The following SWT1 variants were observed in gnomAD, a reference collection of about 807,000 sequenced individuals.
The protein encoded by SWT1 is SWT1 RNA endoribonuclease homolog, also known as transcriptional protein SWT1.
A neutral mutation model predicts 107.3 loss-of-function variants in SWT1; 33 were observed. The observed-to-expected ratio is 0.31, with a 90% CI of 0.23 to 0.41. SWT1 has a LOEUF of 0.41. Ranked by LOEUF, SWT1 falls within the 10% of genes least tolerant of loss-of-function variation. SWT1 has a pLI of 1.00. For synonymous variants in SWT1, 345 were observed against 348.3 expected (o/e 0.99, Z 0.11); for missense variants, 898 against 1,028.9 (o/e 0.87, Z 1.74).
At chr1:185,279,312 G>GTTT (rs1454359320) in intron 18 of SWT1, among the ~76,000 whole-genome samples, 2 of 152,096 alleles carry the variant, frequency 1.3e-5, no homozygotes, top group Admixed American at 6.5e-5. Flanking sequence ...GTCTAGAATT[G>GTTT]TTTTGATTTT....
At chr1:185,213,617 A>G (rs1356789095) in intron 13 of SWT1, among the ~76,000 whole-genome samples, 1 of 152,200 alleles carries the variant, frequency 6.6e-6, no homozygotes, top group Middle Eastern at 3.2e-3. Context: ...ATTTCAGAAT[A>G]CAATAGAGTC....
At chr1:185,168,832 A>G (rs1193327891) in intron 4 of SWT1, among the ~76,000 whole-genome samples, 1 of 152,232 alleles carries the variant, frequency 6.6e-6, no homozygotes, top group Non-Finnish European at 1.5e-5. Context: ...GATTATAGCT[A>G]GAGAACTTGG....
At chr1:185,183,527 C>T (rs183757487) in intron 7 of SWT1, among the ~76,000 whole-genome samples, 1 of 152,322 alleles carries the variant, frequency 6.6e-6, no homozygotes, top group East Asian at 1.9e-4. Context: ...AGGTGATTGG[C>T]CCGCCTCGGC....
At chr1:185,259,549 G>A (rs894664186) in intron 16 of SWT1, among the ~76,000 whole-genome samples, 5 of 151,978 alleles carry the variant, frequency 3.3e-5, no homozygotes, top group Non-Finnish European at 5.9e-5. Context: ...CTTTTATGTT[G>A]AGATCAGTAA....
chr1:185,159,059 C>T (rs1487924398), intron 1 of SWT1, among the ~76,000 whole-genome samples: 3 of 152,198 alleles, frequency 2.0e-5, no homozygotes, highest in Non-Finnish European at 4.4e-5. Flanking sequence ...GTTTGAGTGT[C>T]CTCATGACAC....
chr1:185,203,137 G>A (rs1298134831), intron 11 of SWT1, among the ~76,000 whole-genome samples: 1 of 152,158 alleles, frequency 6.6e-6, no homozygotes, highest in African/African-American at 2.4e-5. Flanking sequence ...TTCTTCAAGT[G>A]AAACAGAGTA....
At chr1:185,230,736 G>A (rs1021443540) in intron 15 of SWT1, among the ~76,000 whole-genome samples, 1 of 151,878 alleles carries the variant, frequency 6.6e-6, no homozygotes, top group Non-Finnish European at 1.5e-5. Flanking sequence ...TGTTTTGTGT[G>A]TGTGTGTGTG....
intron 16 of SWT1, among the ~76,000 whole-genome samples, chr1:185,234,653 A>T (rs760932761): frequency 8.5e-5 from 13 of 152,224 alleles, no homozygotes; most frequent in Admixed American, 2.6e-4. Context: ...TCCTGCCATT[A>T]TGATGTTAGC....
At chr1:185,274,457 G>A (rs559320358) in intron 17 of SWT1, among the ~76,000 whole-genome samples, 33 of 151,660 alleles carry the variant, frequency 2.2e-4, no homozygotes, top group African/African-American at 7.7e-4. Flanking sequence ...GTGCCTGGCT[G>A]ATTCACAGAT....
intron 15 of SWT1, among the ~76,000 whole-genome samples, chr1:185,224,604 C>T (rs766936518): frequency 6.6e-6 from 1 of 152,170 alleles, no homozygotes; most frequent in African/African-American, 2.4e-5. Flanking sequence ...TCTTCCAATA[C>T]ATGAACATGA....
intron 15 of SWT1, chr1:185,227,138 G>C (rs1660129560): frequency 1.6e-6 from 2 of 1,226,980 alleles, no homozygotes; most frequent in Non-Finnish European, 2.4e-6. Flanking sequence ...TAAATTCCTT[G>C]CTTTCAGAAT....
chr1:185,159,717 A>AT (rs944273168), intron 1 of SWT1, among the ~76,000 whole-genome samples: 11 of 151,910 alleles, frequency 7.2e-5, no homozygotes, highest in Non-Finnish European at 1.2e-4. Context: ...GTATTTTAAT[A>AT]TTTTTTTATA....
intron 16 of SWT1, among the ~76,000 whole-genome samples, chr1:185,234,901 T>TA (rs58640496): frequency 0.057 from 8,706 of 152,146 alleles, 597 homozygotes; most frequent in African/African-American, 0.16. Context: ...CCCACAGAAA[T>TA]ACAAACTACC....
intron 15 of SWT1, chr1:185,226,749 G>A: frequency 2.5e-6 from 1 of 400,314 alleles, no homozygotes; most frequent in Non-Finnish European, 4.0e-6. Context: ...TTTTTTTTTT[G>A]CTGTCCATAA....
At chr1:185,249,908 A>G (rs1489821585) in intron 16 of SWT1, among the ~76,000 whole-genome samples, 1 of 152,194 alleles carries the variant, frequency 6.6e-6, no homozygotes, top group Non-Finnish European at 1.5e-5. Context: ...TGTAAAAGGT[A>G]GGGATTCTAA....
chr1:185,211,372 C>T (rs1658790865), intron 13 of SWT1, among the ~76,000 whole-genome samples: 1 of 152,076 alleles, frequency 6.6e-6, no homozygotes, highest in East Asian at 1.9e-4. Flanking sequence ...TGAACAGAGG[C>T]CTCAGAAATA....
chr1:185,203,921 G>A (rs1361290040), intron 11 of SWT1, among the ~76,000 whole-genome samples: 2 of 152,102 alleles, frequency 1.3e-5, no homozygotes, highest in African/African-American at 4.8e-5. Context: ...GGATATTCTA[G>A]TTTACAGTTT....
Position 185,214,650 on chromosome 1 carries a change from G to A in SWT1, c.2116G>A (p.Ala706Thr). 1 of 1,607,596 alleles carries A rather than the reference G, an allele frequency of 6.2e-7. No homozygotes were observed. Among genetic ancestry groups the A allele is most frequent in the South Asian group, 1.1e-5 (1 of 89,596 alleles). ...AGTAAACAACCTCCTTCAGACATTT[G>A]CAGAGGTAAGATGCCTTTGGAATGC... The part of the protein sequence containing the change: ...AQVNNLLQTF[A>T]EVKTKLKPNS... Residue 706 changes from alanine to threonine, a missense_variant, in exon 14 of 19, where the codon GCA becomes ACA. Coordinates refer to ENST00000367500, the MANE Select transcript of SWT1 (RefSeq NM_017673.7).
rs975041666 is a variant in SWT1 at position 185,214,713 on chromosome 1, G to A, written c.2121+58G>A. ...CTAATTATACATGTTCTGAAAATGT[G>A]TTTAGCAGACAACAGTAGGTAAAGG... On this transcript the variant is annotated intron_variant, in intron 14 of 18. Coordinates refer to ENST00000367500, the MANE Select transcript of SWT1 (RefSeq NM_017673.7). The A allele has an allele frequency of 2.1e-5, 30 of 1,418,126 alleles. No individual in the cohort carries two copies. The East Asian group carries it at 5.7e-4, about 27-fold the overall frequency. 87.8% of individuals were successfully genotyped at this position (1,418,126 alleles called of 1,614,324 possible).
Sources: gnomAD v4.1 joint callset for allele counts (sites outside exome capture counted in the v4.1 genomes callset) on GRCh38, gnomAD v4.1.1 for gene constraint, MANE v1.5 for transcripts, NCBI Gene and HGNC (gene_info 2026-07-23, HGNC 2026-07-21) for gene names.